The following PEX5L variants were observed in gnomAD, a reference collection of about 807,000 sequenced individuals.
PEX5L encodes the protein PEX5-related protein.
A neutral mutation model predicts 84.0 loss-of-function variants in PEX5L; 30 were observed. That is an observed-to-expected ratio of 0.36 (90% CI 0.27 to 0.48). PEX5L has a LOEUF of 0.48. PEX5L is among the 20% of genes least tolerant of loss of function. The pLI is 0.99. For synonymous variants in PEX5L, 270 were observed against 283.1 expected (o/e 0.95, Z 0.46); for missense variants, 533 against 754.6 (o/e 0.71, Z 3.44).
At chr3:179,957,390 T>A (rs1346313091) in intron 2 of PEX5L, among the ~76,000 whole-genome samples, 4 of 152,034 alleles carry the variant, frequency 2.6e-5, no homozygotes, top group Non-Finnish European at 4.4e-5. Context: ...TTTGGGAGGA[T>A]CACAGAAGGA....
chr3:179,859,720 T>C (rs1323547180), intron 7 of PEX5L, among the ~76,000 whole-genome samples: 2 of 152,228 alleles, frequency 1.3e-5, no homozygotes, highest in Non-Finnish European at 1.5e-5. Flanking sequence ...TCTTAGGATA[T>C]TGCTCTCTAT....
intron 8 of PEX5L, among the ~76,000 whole-genome samples, chr3:179,837,806 T>C (rs998436532): frequency 5.3e-5 from 8 of 152,188 alleles, no homozygotes; most frequent in African/African-American, 1.9e-4. Flanking sequence ...CAAAACTCAG[T>C]TGTAAAAATT....
chr3:179,920,270 C>T (rs1768856062), intron 2 of PEX5L, among the ~76,000 whole-genome samples: 1 of 152,160 alleles, frequency 6.6e-6, no homozygotes, highest in African/African-American at 2.4e-5. Context: ...GTGGTTTCTC[C>T]TTTCTTCATC....
chr3:179,996,378 A>G (rs1344844676), intron 1 of PEX5L, among the ~76,000 whole-genome samples: 2 of 152,188 alleles, frequency 1.3e-5, no homozygotes, highest in African/African-American at 4.8e-5. Context: ...GGGACTCTGC[A>G]TTTAATGTTG....
Position 179,809,532 on chromosome 3 carries a change from C to T in PEX5L, c.1291G>A (p.Val431Met). The T allele has an allele frequency of 6.2e-7, 1 of 1,614,100 alleles. No homozygotes were observed. ...CCTGGAGATCCCTTCTTGCTTTTCA[C>T]AAGGTATTTGTACTTTGGATTTTGC... is the stretch of plus-strand genomic sequence containing the variant. ...IKQNPKYKYL[V>M]KSKKGSPGLT... Residue 431 changes from valine (V) to methionine (M), a missense_variant, in exon 12 of 15, where the codon GTG becomes ATG. Physicochemically the swap from Val to Met is conservative, Grantham distance 21 (BLOSUM62 1). This residue lies in a region of PEX5L where 63 missense variants were observed against 60.2 expected (regional missense o/e 1.05). Coordinates refer to ENST00000467460, the MANE Select transcript of PEX5L (RefSeq NM_016559.3).
At chr3:180,006,313 CA>C (rs1788888185) in intron 1 of PEX5L, among the ~76,000 whole-genome samples, 1 of 151,770 alleles carries the variant, frequency 6.6e-6, no homozygotes, top group South Asian at 2.1e-4. Flanking sequence ...TATAAATGTA[CA>C]CAAAACCTAA....
At chr3:179,898,312 T>C (rs568581241) in intron 2 of PEX5L, 66 bp from the exon 3 acceptor site, 15 of 1,131,538 alleles carry the variant, frequency 1.3e-5, no homozygotes, top group Middle Eastern at 2.0e-4. Flanking sequence ...TATTACAAGA[T>C]ATTCTAATGT....
At chr3:180,005,046 C>A (rs1788751692) in intron 1 of PEX5L, among the ~76,000 whole-genome samples, 2 of 152,024 alleles carry the variant, frequency 1.3e-5, no homozygotes, top group Non-Finnish European at 2.9e-5. Context: ...TGAACACTTT[C>A]TATTATTGTG....
intron 8 of PEX5L, among the ~76,000 whole-genome samples, chr3:179,824,169 T>C (rs1377809336): frequency 2.0e-5 from 3 of 152,204 alleles, no homozygotes; most frequent in African/African-American, 7.2e-5. Context: ...CAGTTTATTT[T>C]AGTCATCTAG....
chr3:179,845,226 T>A (rs1738867262), intron 8 of PEX5L, among the ~76,000 whole-genome samples: 1 of 152,182 alleles, frequency 6.6e-6, no homozygotes, highest in Admixed American at 6.5e-5. Flanking sequence ...GGGCTTGAGG[T>A]TATTTATTCA....
At position 180,026,413 on chromosome 3, in the gene PEX5L, T is replaced by A. The variant is rs185892494; in HGVS notation, c.21+10166A>T. Among the ~76,000 whole-genome samples the A allele has an allele frequency of 7.0e-3, 1,066 of 152,348 alleles. 8 individuals carry two copies. Among genetic ancestry groups the A allele is most frequent in the Non-Finnish European group, 0.012 (835 of 68,030 alleles). ...AATGCACAGGGCATCTTGATTATCA[T>A]CATCCTTTGCATGAATATGAAACAT... is the stretch of plus-strand genomic sequence containing the variant. On this transcript the variant is annotated intron_variant, in intron 1 of 14. Coordinates refer to ENST00000467460, the MANE Select transcript of PEX5L (RefSeq NM_016559.3).
At chr3:179,833,077 A>G (rs1733738672) in intron 8 of PEX5L, among the ~76,000 whole-genome samples, 1 of 152,252 alleles carries the variant, frequency 6.6e-6, no homozygotes, top group Non-Finnish European at 1.5e-5. Context: ...CATCCAGTCC[A>G]ACTCCTCCTT....
intron 1 of PEX5L, among the ~76,000 whole-genome samples, chr3:180,015,010 C>A (rs1789823483): frequency 6.6e-6 from 1 of 152,112 alleles, no homozygotes; most frequent in Non-Finnish European, 1.5e-5. Context: ...AAGGTATATT[C>A]TTTTCAAGCA....
intron 1 of PEX5L, among the ~76,000 whole-genome samples, chr3:179,998,923 G>A (rs753666331): frequency 2.0e-5 from 3 of 152,308 alleles, no homozygotes; most frequent in East Asian, 1.9e-4. Context: ...GTTCACAGAC[G>A]GTTCTGCAGG....
chr3:179,847,590 G>T (rs917933144), intron 8 of PEX5L, among the ~76,000 whole-genome samples: 1 of 152,200 alleles, frequency 6.6e-6, no homozygotes, highest in Admixed American at 6.5e-5. Context: ...ATTGAATCCT[G>T]AATGGTTGTG....
intron 14 of PEX5L, among the ~76,000 whole-genome samples, chr3:179,802,270 C>T (rs1560140620): frequency 1.3e-5 from 2 of 152,026 alleles, no homozygotes; most frequent in African/African-American, 4.8e-5. Context: ...CATGGTGGCT[C>T]AAGCCTGTAA....
intron 1 of PEX5L, among the ~76,000 whole-genome samples, chr3:179,975,530 A>T (rs1490134902): frequency 6.6e-6 from 1 of 152,232 alleles, no homozygotes; most frequent in Non-Finnish European, 1.5e-5. Flanking sequence ...ACAGATGTCA[A>T]AATAAATATA....
chr3:179,906,107 TTGC>T (rs1194750289), intron 2 of PEX5L, among the ~76,000 whole-genome samples: 1 of 152,224 alleles, frequency 6.6e-6, no homozygotes, highest in East Asian at 1.9e-4. Context: ...TGCTTAAAAC[TTGC>T]TCCGAAGGAC....
At chr3:179,866,310 T>C (rs931116275) in intron 7 of PEX5L, among the ~76,000 whole-genome samples, 1 of 152,112 alleles carries the variant, frequency 6.6e-6, no homozygotes, top group Non-Finnish European at 1.5e-5. Context: ...AAAAGAAAAA[T>C]ATAACAACTA....
Sources: gnomAD v4.1 joint callset for allele counts (sites outside exome capture counted in the v4.1 genomes callset) on GRCh38, gnomAD v4.1.1 for gene constraint, gnomAD v4.1.1 regional missense constraint, MANE v1.5 for transcripts, NCBI Gene and HGNC (gene_info 2026-07-23, HGNC 2026-07-21) for gene names.